The following LRCH1 variants were observed in gnomAD, a reference collection of about 807,000 sequenced individuals.
The protein encoded by LRCH1 is leucine-rich repeat and calponin homology domain-containing protein 1.
In LRCH1, 23 loss-of-function variants were observed where a neutral mutation model predicts 94.9. That is an observed-to-expected ratio of 0.24 (90% CI 0.17 to 0.34). LRCH1 has a LOEUF of 0.34. LRCH1 is among the 10% of genes least tolerant of loss of function. The pLI is 1.00. For synonymous variants in LRCH1, 364 were observed against 354.9 expected, an observed-to-expected ratio of 1.03 and a Z score of -0.29; for missense variants, 790 against 945.9, an observed-to-expected ratio of 0.84 and a Z score of 2.16.
chr13:46,670,603 AG>A (rs1008083654), intron 3 of LRCH1, among the ~76,000 whole-genome samples: 1 of 151,986 alleles, frequency 6.6e-6, no homozygotes, highest in Non-Finnish European at 1.5e-5. Context: ...CTGCCACCAA[AG>A]GGGGTAATTC....
intron 1 of LRCH1, among the ~76,000 whole-genome samples, chr13:46,618,603 C>G (rs545190466): frequency 4.5e-4 from 68 of 152,268 alleles, no homozygotes; most frequent in Non-Finnish European, 3.2e-4. Context: ...CTGCATTGAC[C>G]TGGAAAATGA....
At chr13:46,709,559 A>G (rs1871948298) in intron 13 of LRCH1, among the ~76,000 whole-genome samples, 1 of 152,244 alleles carries the variant, frequency 6.6e-6, no homozygotes, top group Non-Finnish European at 1.5e-5. Context: ...GCTACTTAAA[A>G]TGTCTTTGAG....
chr13:46,593,892 CT>C (rs1209313182), intron 1 of LRCH1, among the ~76,000 whole-genome samples: 1 of 152,156 alleles, frequency 6.6e-6, no homozygotes, highest in Non-Finnish European at 1.5e-5. Flanking sequence ...AAAAAATGAA[CT>C]TTTTTTCTTC....
Position 46,673,850 on chromosome 13 carries a change from T to A in LRCH1, c.579+4694T>A, listed in dbSNP as rs1980728. On this transcript the variant is annotated intron_variant, in intron 3 of 19. Transcript: ENST00000389797. ...GGCTAGAGTGCAGCGGCACAATCTC[T>A]GCTCACTGCAGGCTCCGCCTCCCAG... 3.3e-5 allele frequency among the ~76,000 whole-genome samples: 5 copies of A among 151,314 alleles called. No homozygotes were observed. The South Asian group carries it at 8.4e-4, about 25-fold the overall frequency.
chr13:46,674,379 A>G (rs979188096), intron 3 of LRCH1, among the ~76,000 whole-genome samples: 1 of 152,208 alleles, frequency 6.6e-6, no homozygotes, highest in East Asian at 1.9e-4. Flanking sequence ...AGGAAGCCAC[A>G]AAGAGACACT....
intron 2 of LRCH1, among the ~76,000 whole-genome samples, chr13:46,668,027 C>T (rs1039937523): frequency 6.6e-6 from 1 of 152,186 alleles, no homozygotes. Context: ...AATAGTTACA[C>T]TGAATGACAT....
At chr13:46,692,087 C>G (rs1055152184) in intron 7 of LRCH1, among the ~76,000 whole-genome samples, 6 of 152,162 alleles carry the variant, frequency 3.9e-5, no homozygotes, top group Admixed American at 3.9e-4. Flanking sequence ...CAAACACTTT[C>G]CACCAGGCCC....
chr13:46,745,177 C>G (rs1873860923), downstream of LRCH1, among the ~76,000 whole-genome samples: 1 of 152,138 alleles, frequency 6.6e-6, no homozygotes, highest in African/African-American at 2.4e-5. Flanking sequence ...TTACCCAGTT[C>G]TGCTTGTGTA....
chr13:46,687,835 T>C lies in LRCH1; in HGVS notation c.823-17T>C, dbSNP rs842375. 1,192,239 of 1,595,142 alleles carry C rather than the reference T, an allele frequency of 0.75. 447,308 individuals carry two copies. Among genetic ancestry groups the C allele is most frequent in the East Asian group, 0.85 (37,734 of 44,492 alleles). On this transcript the variant is annotated splice_polypyrimidine_tract_variant and intron_variant, in intron 5 of 19. Transcript: ENST00000389797. The stretch of plus-strand genomic sequence containing the variant: ...GTCATTGAAAAATGAATATGATTGC[T>C]ATTAATTTCTTTGTAGATTTGCACA...
Position 46,553,331 on chromosome 13 carries a change from C to T in LRCH1, c.-66C>T. 1 of 1,363,780 alleles carries T rather than the reference C, an allele frequency of 7.3e-7. No homozygotes were observed. The highest frequency in any genetic ancestry group is 9.9e-7 in the Non-Finnish European group (1 of 1,010,418). 84.5% of individuals were successfully genotyped at this position (1,363,780 alleles called of 1,614,324 possible). A position where few individuals can be genotyped will look rare whatever the true frequency, so the allele number is the denominator to read the frequency against. On this transcript the variant is annotated 5_prime_UTR_variant, in exon 1 of 20. Transcript: ENST00000389797. ...CACTCAGCCCGAGCTGCCGTTTTCC[C>T]CTCGCGGGGAACGCTGTGACCCCCC...
chr13:46,712,676 A>C, intron 15 of LRCH1, 79 bp downstream of exon 15: 1 of 1,255,198 alleles, frequency 8.0e-7, no homozygotes, highest in Non-Finnish European at 1.2e-6. Flanking sequence ...ATGCATTATC[A>C]ATGTGCACAT....
chr13:46,685,625 A>AG (rs1870567471), intron 4 of LRCH1, among the ~76,000 whole-genome samples: 1 of 152,166 alleles, frequency 6.6e-6, no homozygotes, highest in Admixed American at 6.5e-5. Context: ...GAAAAAAAAA[A>AG]GTATTTTTAA....
chr13:46,640,561 G>A (rs1178638410), intron 1 of LRCH1, among the ~76,000 whole-genome samples: 4 of 152,098 alleles, frequency 2.6e-5, no homozygotes, highest in African/African-American at 9.7e-5. Flanking sequence ...TCTTTGTTCT[G>A]GAGAAAATAT....
chr13:46,670,736 C>T (rs1420638338), intron 3 of LRCH1, among the ~76,000 whole-genome samples: 1 of 147,410 alleles, frequency 6.8e-6, no homozygotes, highest in Non-Finnish European at 1.5e-5. Context: ...ATTCAGTCTT[C>T]GGGTTGTGAG....
rs1032965140 is a variant in LRCH1, at chr13:46,605,189, G to A, written c.308-45012G>A. Among the ~76,000 whole-genome samples, 5 of 152,320 alleles carry A rather than the reference G, an allele frequency of 3.3e-5. No individual in the cohort carries two copies. The South Asian group carries it at 6.2e-4, about 19-fold the overall frequency. On this transcript the variant is annotated intron_variant, in intron 1 of 19. Coordinates refer to ENST00000389797, the MANE Select transcript of LRCH1 (RefSeq NM_001164211.2). Reference sequence around the variant, plus strand: ...TTTAAACATGTTTTCTCTAAGGAAAGTCGGATTGACATGAAATCACACATG... The same window carrying A: ...TTTAAACATGTTTTCTCTAAGGAAAATCGGATTGACATGAAATCACACATG...
intron 3 of LRCH1, among the ~76,000 whole-genome samples, chr13:46,675,578 G>A (rs1448089077): frequency 1.3e-5 from 2 of 152,218 alleles, no homozygotes; most frequent in African/African-American, 4.8e-5. Flanking sequence ...GTTTGGTTGT[G>A]TGGAGAGTTT....
chr13:46,637,858 C>T (rs538229954), intron 1 of LRCH1, among the ~76,000 whole-genome samples: 61 of 152,288 alleles, frequency 4.0e-4, no homozygotes, highest in Admixed American at 1.8e-3. Flanking sequence ...CTGGATTTGC[C>T]CACTGCTTAG....
exon 19 of LRCH1, chr13:46,750,761 G>A: frequency 1.5e-6 from 1 of 686,336 alleles, no homozygotes; most frequent in South Asian, 2.0e-5. Flanking sequence ...TCACTTCACT[G>A]ACTCCAGTTA....
chr13:46,670,380 G>A (rs777180064), intron 3 of LRCH1, among the ~76,000 whole-genome samples: 1 of 152,268 alleles, frequency 6.6e-6, no homozygotes. Context: ...CCATGGCAGC[G>A]GTTCATTTTT....
Sources: gnomAD v4.1 joint callset for allele counts (sites outside exome capture counted in the v4.1 genomes callset) on GRCh38, gnomAD v4.1.1 for gene constraint, MANE v1.5 for transcripts, NCBI Gene and HGNC (gene_info 2026-07-23, HGNC 2026-07-21) for gene names.